DGKZ: variants seen among roughly 807,000 people sequenced by gnomAD.
The protein encoded by DGKZ is DAG kinase zeta.
A neutral mutation model predicts 142.5 loss-of-function variants in DGKZ; 45 were observed. The ratio of observed to expected loss-of-function variants is 0.32; its 90% CI spans 0.25 to 0.40. The LOEUF is 0.40. Among genes scored for constraint, DGKZ ranks in the 10% least tolerant of loss-of-function variants. The probability of loss-of-function intolerance (pLI) is 1.00; values close to 1 mark genes in which losing one functional copy is unlikely to be tolerated. For missense variants in DGKZ, 755 were observed against 1,306.5 expected, an observed-to-expected ratio of 0.58 and a Z score of 6.51; for synonymous variants, 442 against 527.0, an observed-to-expected ratio of 0.84 and a Z score of 2.21.
At chr11:46,357,601 G>A (rs1942180464) in intron 1 of DGKZ, among the ~76,000 whole-genome samples, 1 of 152,242 alleles carries the variant, frequency 6.6e-6, no homozygotes, top group African/African-American at 2.4e-5. Context: ...CTCCTGCACT[G>A]ATCAGCAGTA....
chr11:46,371,956 C>T (rs1248019457), intron 9 of DGKZ, 119 bp from the exon 10 acceptor site: 9 of 1,248,646 alleles, frequency 7.2e-6, no homozygotes, highest in Non-Finnish European at 8.0e-6. Flanking sequence ...TAAGATCTGG[C>T]CCAGAGATGG....
At chr11:46,346,381 G>C (rs1030665997), upstream of DGKZ, among the ~76,000 whole-genome samples, 2 of 148,072 alleles carry the variant, frequency 1.4e-5, no homozygotes, top group Non-Finnish European at 3.0e-5. Context: ...CCCAGCTCCT[G>C]GCCTCCCTTC....
intron 23 of DGKZ, 30 bp downstream of exon 23, chr11:46,376,427 T>C: frequency 6.2e-7 from 1 of 1,614,064 alleles, no homozygotes; most frequent in Non-Finnish European, 8.5e-7. Flanking sequence ...GCCAAGCTGT[T>C]TCGTGTTCCC....
intron 1 of DGKZ, among the ~76,000 whole-genome samples, chr11:46,340,809 C>A (rs940307774): frequency 6.6e-6 from 1 of 152,198 alleles, no homozygotes; most frequent in Admixed American, 6.5e-5. Flanking sequence ...TCAGCAGGTG[C>A]CCAGATCACA....
intron 24 of DGKZ, 159 bp from the exon 25 acceptor site, chr11:46,376,914 T>C: frequency 2.9e-6 from 2 of 678,898 alleles, no homozygotes; most frequent in East Asian, 5.5e-5. Context: ...GTGTCAGGAA[T>C]GGGAAGGAGT....
chr11:46,333,359 G>T, exon 1 of DGKZ: 1 of 1,372,464 alleles, frequency 7.3e-7, no homozygotes, highest in East Asian at 3.1e-5. Context: ...TGGTGCGGCG[G>T]CGATGCCGGC....
intron 14 of DGKZ, among the ~76,000 whole-genome samples, chr11:46,373,389 C>T (rs1221536884): frequency 8.0e-5 from 12 of 149,898 alleles, no homozygotes; most frequent in Non-Finnish European, 1.6e-4. Flanking sequence ...CAGGTTCAAG[C>T]GATTCTCCTG....
chr11:46,377,457 C>T, intron 25 of DGKZ: 1 of 645,926 alleles, frequency 1.5e-6, no homozygotes. Flanking sequence ...GTCCTGGCAG[C>T]CCCCGGACCC....
At chr11:46,345,437 G>C, upstream of DGKZ, 1 of 1,467,352 alleles carries the variant, frequency 6.8e-7, no homozygotes, top group Non-Finnish European at 9.0e-7. The surrounding 1 kb of genome is among the most constrained non-coding windows in gnomAD (Gnocchi z 4.1). Context: ...TGGCCACAGT[G>C]CCGGGGGAAG....
chr11:46,376,616 C>G, intron 24 of DGKZ, 52 bp downstream of exon 24: 1 of 1,609,610 alleles, frequency 6.2e-7, no homozygotes, highest in Non-Finnish European at 8.5e-7. Flanking sequence ...GCCCCAGGGT[C>G]GCCTCTCCTG....
chr11:46,361,150 T>C (rs1324157685), intron 1 of DGKZ, among the ~76,000 whole-genome samples: 1 of 152,238 alleles, frequency 6.6e-6, no homozygotes, highest in Admixed American at 6.5e-5. Context: ...CAGATACTTA[T>C]TTTTGTGATT....
intron 14 of DGKZ, 107 bp from the exon 15 acceptor site, chr11:46,374,050 A>G: frequency 1.6e-6 from 2 of 1,255,464 alleles, no homozygotes; most frequent in Non-Finnish European, 2.3e-6. Context: ...GCTGACCAGG[A>G]AAAGCCTGTG....
intron 1 of DGKZ, among the ~76,000 whole-genome samples, chr11:46,348,272 T>C (rs982168128): frequency 3.9e-5 from 6 of 152,192 alleles, no homozygotes; most frequent in African/African-American, 1.4e-4. Flanking sequence ...CCTTTGGACT[T>C]TCGTGGGACC....
At chr11:46,345,685 TC>T, upstream of DGKZ, 1 of 1,216,796 alleles carries the variant, frequency 8.2e-7, no homozygotes, top group Non-Finnish European at 1.1e-6. The surrounding 1 kb of genome is among the most constrained non-coding windows in gnomAD (Gnocchi z 4.1). Context: ...CACCCATCTG[TC>T]ATCCAGCACT....
chr11:46,346,871 T>C (rs1279916832), upstream of DGKZ, among the ~76,000 whole-genome samples: 3 of 152,112 alleles, frequency 2.0e-5, no homozygotes, highest in African/African-American at 7.2e-5. Flanking sequence ...AGGAGAAACT[T>C]GTGAGTTCTT....
Position 46,367,999 on chromosome 11 carries a change from C to T in DGKZ, c.367-3C>T. Reference sequence around the variant, plus strand: ...TCAGGGGCCCTCTCTTCCTGTCCTGCAGCAGAAGTCAGTGTCTCGAAGAAA... The same window carrying T: ...TCAGGGGCCCTCTCTTCCTGTCCTGTAGCAGAAGTCAGTGTCTCGAAGAAA... On this transcript the variant is annotated splice_region_variant and splice_polypyrimidine_tract_variant and intron_variant, in intron 3 of 30. Transcript: ENST00000527911. This position sits in a 1 kb window ranked among gnomAD's most constrained non-coding sequence, Gnocchi z 4.1. 1 of 1,613,898 alleles carries T rather than the reference C, an allele frequency of 6.2e-7. No individual in the cohort carries two copies. The highest frequency in any genetic ancestry group is 8.5e-7 in the Non-Finnish European group (1 of 1,179,976).
At chr11:46,364,540 C>G (rs528884531) in intron 1 of DGKZ, 51 of 985,410 alleles carry the variant, frequency 5.2e-5, no homozygotes, top group Middle Eastern at 1.0e-3. Flanking sequence ...TCTGAGGCAG[C>G]TGGAAACTCC....
chr11:46,372,175 A>G lies in DGKZ; in HGVS notation c.927+5A>G. On this transcript the variant is annotated splice_donor_5th_base_variant and intron_variant, in intron 10 of 30. Transcript: ENST00000527911. The surrounding 1 kb of genome is among the most constrained non-coding windows in gnomAD (Gnocchi z 5.9). Reference sequence around the variant, plus strand: ...CCCAAGAGTGGGGGCAACCAGGTGAACGCGGCCTTGCCTCTCAGCTAAGGG... The same window carrying G: ...CCCAAGAGTGGGGGCAACCAGGTGAGCGCGGCCTTGCCTCTCAGCTAAGGG... The G allele has an allele frequency of 6.2e-7, 1 of 1,601,796 alleles. No homozygotes were observed.
rs931555578 is a variant in DGKZ at position 46,372,815 on chromosome 11, G to A, written c.1116G>A (p.Pro372=). The change falls in exon 13 of 31, where the codon CCG becomes CCA. Residue 372 remains proline (P), a synonymous_variant. Coordinates refer to ENST00000527911, the Ensembl canonical transcript of DGKZ. This position sits in a 1 kb window ranked among gnomAD's most constrained non-coding sequence, Gnocchi z 5.9. ...CCCTGGACCAGCTACGCCTGAAGCC[G>A]CCACCCCCTGTTGCCATCCTGCCCC... 11 of 1,602,874 alleles carry A rather than the reference G, an allele frequency of 6.9e-6. No homozygotes were observed. The highest frequency in any genetic ancestry group is 2.7e-5 in the African/African-American group (2 of 74,538).
Sources: allele counts gnomAD v4.1 joint callset (sites outside exome capture counted in the v4.1 genomes callset), GRCh38; gene constraint gnomAD v4.1.1; non-coding constraint Gnocchi (gnomAD v3.1); transcripts MANE v1.5; gene names NCBI Gene and HGNC (gene_info 2026-07-23, HGNC 2026-07-21).